NBN: variants seen among roughly 807,000 people sequenced by gnomAD.
NBN encodes Nijmegen breakage syndrome 1 (nibrin).
NBN carries 88 observed loss-of-function variants against 90.8 expected under a neutral mutation model. The observed-to-expected ratio is 0.97, with a 90% CI of 0.82 to 1.16. NBN has a LOEUF of 1.16. Ranked by LOEUF, NBN falls within the 50% of genes most tolerant of loss-of-function variation. The probability of loss-of-function intolerance (pLI) is 0.00; values close to 1 mark genes in which losing one functional copy is unlikely to be tolerated. For missense variants in NBN, 894 were observed against 869.6 expected (o/e 1.03, Z -0.35); for synonymous variants, 328 against 295.1 (o/e 1.11, Z -1.14).
Position 89,971,388 on chromosome 8 carries a change from C to A in NBN, c.585-98G>T. 3.8e-6 allele frequency: 5 copies of A among 1,327,914 alleles called. No homozygotes were observed. In the South Asian group the frequency reaches 4.2e-5, roughly 11 times the overall value. 82.3% of individuals were successfully genotyped at this position (1,327,914 alleles called of 1,614,324 possible). A position where few individuals can be genotyped will look rare whatever the true frequency, so the allele number is the denominator to read the frequency against. On this transcript the variant is annotated intron_variant, in intron 5 of 15. Coordinates refer to ENST00000265433, the MANE Select transcript of NBN (RefSeq NM_002485.5). ...ATCTGACACTCAAAAGGCATAATTT[C>A]CATAATACCTTTATAGTATTTTTTT... is the stretch of plus-strand genomic sequence containing the variant.
intron 3 of NBN, 88 bp from the exon 4 acceptor site, chr8:89,980,981 C>A (rs2129911824): frequency 9.0e-7 from 1 of 1,110,824 alleles, no homozygotes; most frequent in Non-Finnish European, 1.3e-6. Flanking sequence ...AAGCTCACAT[C>A]ATATACTGTT....
At chr8:89,954,836 C>G (rs1214677809) in intron 10 of NBN, among the ~76,000 whole-genome samples, 2 of 151,812 alleles carry the variant, frequency 1.3e-5, no homozygotes, top group South Asian at 4.2e-4. Context: ...GAGGAAGAAA[C>G]CAGGTCAAGA....
chr8:89,953,360 C>A lies in NBN; in HGVS notation c.1729G>T (p.Asp577Tyr), dbSNP rs587781881. ...FKDTKPELEI[D>Y]VKVQKQEEDV... ...TCCTCCTGTTTTTGAACTTTCACAT[C>A]AATTTCTAACTCTGGTTTTGTGTCC... Residue 577 changes from aspartate (D) to tyrosine (Y), a missense_variant, in exon 11 of 16, where the codon GAT (aspartate) becomes TAT (tyrosine). Coordinates refer to ENST00000265433, the MANE Select transcript of NBN (RefSeq NM_002485.5). The A allele has an allele frequency of 6.0e-5, 96 of 1,613,418 alleles. No individual in the cohort carries two copies. Among genetic ancestry groups the A allele is most frequent in the Non-Finnish European group, 7.5e-5 (88 of 1,179,746 alleles).
chr8:89,934,820 A>G lies in NBN; in HGVS notation c.*762T>C, dbSNP rs542679031. The G allele has an allele frequency of 6.4e-5, 15 of 233,096 alleles. No individual in the cohort carries two copies. The highest frequency in any genetic ancestry group is 3.3e-4 in the African/African-American group (15 of 45,472). 14.4% of individuals were successfully genotyped at this position (233,096 alleles called of 1,614,324 possible). A position where few individuals can be genotyped will look rare whatever the true frequency, so the allele number is the denominator to read the frequency against. On this transcript the variant is annotated 3_prime_UTR_variant, in exon 16 of 16. Transcript: ENST00000265433. The stretch of plus-strand genomic sequence containing the variant: ...AAAACAATCTCACCATTTCTACTTT[A>G]TAAGTAGGAAAACTAGGACTCTAAA...
chr8:89,951,817 T>C (rs1032450279), intron 11 of NBN, among the ~76,000 whole-genome samples: 11 of 152,152 alleles, frequency 7.2e-5, no homozygotes, highest in Admixed American at 5.9e-4. Flanking sequence ...AATCCGATAA[T>C]TCAACATTCA....
chr8:89,954,761 G>A (rs1161826212), intron 10 of NBN, among the ~76,000 whole-genome samples: 1 of 152,030 alleles, frequency 6.6e-6, no homozygotes, highest in African/African-American at 2.4e-5. Context: ...AGAAATGGGA[G>A]AAATAACATC....
intron 9 of NBN, among the ~76,000 whole-genome samples, chr8:89,958,141 G>A (rs1333419401): frequency 1.3e-5 from 2 of 152,094 alleles, no homozygotes; most frequent in South Asian, 2.1e-4. Context: ...TAATGCTACC[G>A]CTGATCTGAC....
intron 2 of NBN, chr8:89,982,343 T>G: frequency 3.3e-6 from 1 of 307,280 alleles, no homozygotes; most frequent in South Asian, 3.0e-5. Flanking sequence ...ATTGTTCTAT[T>G]CGCAGGGTTG....
intron 2 of NBN, chr8:89,981,826 C>A: frequency 1.8e-6 from 1 of 556,756 alleles, no homozygotes; most frequent in Non-Finnish European, 2.8e-6. Flanking sequence ...TTGGTGCAGT[C>A]TGTTTCATTT....
chr8:89,936,087 CTTTTT>C (rs35393048), intron 15 of NBN: 171 of 279,976 alleles, frequency 6.1e-4, no homozygotes, highest in South Asian at 9.8e-4. Context: ...TCTGTCAACA[CTTTTT>C]TTTTTTTTTT....
chr8:89,939,103 T>G (rs528824951), intron 14 of NBN, among the ~76,000 whole-genome samples: 35 of 152,308 alleles, frequency 2.3e-4, no homozygotes, highest in African/African-American at 8.4e-4. Flanking sequence ...ATGTTTGATG[T>G]ACACAATGAA....
chr8:89,977,832 T>C (rs1049767325), intron 5 of NBN, among the ~76,000 whole-genome samples: 12 of 152,190 alleles, frequency 7.9e-5, no homozygotes, highest in Admixed American at 7.9e-4. Flanking sequence ...CCCAAAGCTA[T>C]GGTGCTGTTA....
At position 89,971,139 on chromosome 8, in the gene NBN, T is replaced by C. The variant is rs532437144; in HGVS notation, c.702+34A>G. On this transcript the variant is annotated intron_variant, in intron 6 of 15. Transcript: ENST00000265433. ...ATAATGTATCCTAGTTTGTAATGTA[T>C]TCTTTAGGAAAATTTAGCTTATAAC... 3.1e-6 allele frequency: 5 copies of C among 1,589,426 alleles called. No individual in the cohort carries two copies. The African/African-American group carries it at 4.0e-5, about 13-fold the overall frequency.
intron 8 of NBN, among the ~76,000 whole-genome samples, chr8:89,962,586 T>G (rs995447177): frequency 1.3e-5 from 2 of 152,192 alleles, no homozygotes; most frequent in Non-Finnish European, 2.9e-5. Flanking sequence ...GGTCTTTAGC[T>G]TTTTACTTTA....
chr8:89,970,346 T>C lies in NBN; in HGVS notation c.896+18A>G. ...TCTCCTACTTGCAGTTTTTTACTAA[T>C]AAAGAATAATTCTATACCTTTGGAG... On this transcript the variant is annotated intron_variant, in intron 7 of 15. Transcript: ENST00000265433. 1.3e-6 allele frequency: 2 copies of C among 1,582,820 alleles called. No homozygotes were observed. The highest frequency in any genetic ancestry group is 2.2e-5 in the South Asian group (2 of 89,970).
chr8:89,981,638 G>A lies in NBN; in HGVS notation c.172-115C>T, dbSNP rs563739076. On this transcript the variant is annotated intron_variant, in intron 2 of 15. Coordinates refer to ENST00000265433, the MANE Select transcript of NBN (RefSeq NM_002485.5). ...AGGTGGCTAACCTCCCAACACGGCA[G>A]ACAACAATTACTGCTTCGGTTGCCT... 189 of 1,038,860 alleles carry A rather than the reference G, an allele frequency of 1.8e-4. No homozygotes were observed. The South Asian group carries it at 2.6e-3, about 14-fold the overall frequency. The allele number at this position is 1,038,860 out of a possible 1,614,324, so 64.4% of individuals were successfully genotyped here. A position where few individuals can be genotyped will look rare whatever the true frequency, so the allele number is the denominator to read the frequency against.
In NBN at chr8:89,970,474, G is replaced by T. The variant is rs372159380; in HGVS notation, c.786C>A (p.Phe262Leu). The T allele has an allele frequency of 3.0e-5, 49 of 1,613,898 alleles. No homozygotes were observed. In the African/African-American group the frequency reaches 6.1e-4, roughly 20 times the overall value. Residue 262 changes from phenylalanine (F) to leucine (L), a missense_variant, in exon 7 of 16, where the codon TTC becomes TTA. By Grantham distance (22) the Phe-to-Leu change is conservative. Transcript: ENST00000265433. ...ITEENEEEHN[F>L]FLAPGTCVVD... ...CAACACACGTTCCCGGAGCCAAAAA[G>T]AAATTATGTTCTTCTTCATTCTCTT...
At chr8:89,948,201 A>G (rs527237276) in intron 11 of NBN, among the ~76,000 whole-genome samples, 33 of 152,328 alleles carry the variant, frequency 2.2e-4, no homozygotes, top group African/African-American at 7.7e-4. Flanking sequence ...AGTAAATTTA[A>G]AAAATGACTA....
At chr8:89,970,592 T>C in intron 6 of NBN, 35 bp from the exon 7 acceptor site, 1 of 1,586,812 alleles carries the variant, frequency 6.3e-7, no homozygotes, top group South Asian at 1.1e-5. Flanking sequence ...TAAAGTAAAA[T>C]GTAGTAATTT....
Sources: gnomAD v4.1 joint callset for allele counts (sites outside exome capture counted in the v4.1 genomes callset) on GRCh38, gnomAD v4.1.1 for gene constraint, MANE v1.5 for transcripts, NCBI Gene and HGNC (gene_info 2026-07-23, HGNC 2026-07-21) for gene names.